ELP2: variants seen among roughly 807,000 people sequenced by gnomAD.
ELP2 encodes the protein elongator complex protein 2.
A neutral mutation model predicts 119.2 loss-of-function variants in ELP2; 90 were observed. The ratio of observed to expected loss-of-function variants is 0.75; its 90% CI spans 0.64 to 0.90. The LOEUF is 0.90. Among genes scored for constraint, ELP2 ranks in the 40% least tolerant of loss-of-function variants. The probability of loss-of-function intolerance (pLI) is 0.00; values close to 1 mark genes in which losing one functional copy is unlikely to be tolerated. For missense variants in ELP2, 921 were observed against 967.8 expected, an observed-to-expected ratio of 0.95 and a Z score of 0.64; for synonymous variants, 339 against 331.0, an observed-to-expected ratio of 1.02 and a Z score of -0.26.
chr18:36,139,495 C>A, intron 5 of ELP2: 1 of 1,535,716 alleles, frequency 6.5e-7, no homozygotes, highest in African/African-American at 1.4e-5. Flanking sequence ...GTAGCAGGAG[C>A]TGCGACTCTA....
rs762245047 is a variant in ELP2, at chr18:36,159,916, A to G, written c.1631-42A>G. On this transcript the variant is annotated intron_variant, in intron 15 of 21. Coordinates refer to ENST00000358232, the MANE Select transcript of ELP2 (RefSeq NM_018255.4). Reference sequence around the variant, plus strand: ...TGCTGACCTAAATAAGTGCTATAGAATTCACTTTTACATAGAAAAAAATAG... The same window carrying G: ...TGCTGACCTAAATAAGTGCTATAGAGTTCACTTTTACATAGAAAAAAATAG... 62 of 1,609,358 alleles carry G rather than the reference A, an allele frequency of 3.9e-5. No individual in the cohort carries two copies. The Middle Eastern group carries it at 1.2e-3, about 30-fold the overall frequency.
chr18:36,135,818 A>G (rs2089803594), intron 2 of ELP2, among the ~76,000 whole-genome samples: 1 of 152,206 alleles, frequency 6.6e-6, no homozygotes, highest in South Asian at 2.1e-4. Flanking sequence ...TGTCACAAAA[A>G]TGAGGGGGAC....
intron 11 of ELP2, among the ~76,000 whole-genome samples, chr18:36,149,839 A>G (rs544408952): frequency 6.6e-6 from 1 of 152,176 alleles, no homozygotes; most frequent in East Asian, 1.9e-4. Context: ...CTTATTTTAG[A>G]CAACCGATGT....
chr18:36,168,728 C>T (rs1314942884), intron 19 of ELP2, among the ~76,000 whole-genome samples: 3 of 152,078 alleles, frequency 2.0e-5, no homozygotes, highest in Admixed American at 6.5e-5. Context: ...AACCATATCA[C>T]ATGCCTATAG....
intron 3 of ELP2, 147 bp downstream of exon 3, chr18:36,136,524 C>T (rs2089832602): frequency 4.2e-6 from 3 of 711,510 alleles, no homozygotes; most frequent in South Asian, 1.6e-5. Context: ...ACTACAGGTG[C>T]CTGACACCAT....
intron 5 of ELP2, among the ~76,000 whole-genome samples, chr18:36,139,113 A>G (rs1356405213): frequency 1.3e-5 from 2 of 152,208 alleles, no homozygotes; most frequent in African/African-American, 4.8e-5. Flanking sequence ...TGTGTACCCA[A>G]GATTGATACT....
At chr18:36,156,747 G>A in intron 13 of ELP2, 93 bp downstream of exon 13, 2 of 1,129,696 alleles carry the variant, frequency 1.8e-6, no homozygotes, top group South Asian at 1.3e-5. Flanking sequence ...GAATATATGG[G>A]TAGAAAGAAA....
At chr18:36,141,734 C>G (rs930339720) in intron 6 of ELP2, among the ~76,000 whole-genome samples, 1 of 149,198 alleles carries the variant, frequency 6.7e-6, no homozygotes, top group African/African-American at 2.5e-5. Context: ...GTTCTGTCTC[C>G]TAGGCTGGTG....
At chr18:36,131,003 T>C (rs1194949962) in intron 1 of ELP2, among the ~76,000 whole-genome samples, 1 of 151,718 alleles carries the variant, frequency 6.6e-6, no homozygotes, top group African/African-American at 2.4e-5. Context: ...CCCCAGTCTC[T>C]ACAAAAAGTT....
intron 2 of ELP2, among the ~76,000 whole-genome samples, chr18:36,134,563 A>T (rs2089759441): frequency 6.6e-6 from 1 of 152,308 alleles, no homozygotes; most frequent in Non-Finnish European, 1.5e-5. Flanking sequence ...GGTTAAACAC[A>T]TATTTTTCAT....
At chr18:36,131,538 C>G (rs1221633616) in intron 1 of ELP2, among the ~76,000 whole-genome samples, 1 of 152,196 alleles carries the variant, frequency 6.6e-6, no homozygotes, top group Non-Finnish European at 1.5e-5. Flanking sequence ...AGCAGGAGCC[C>G]GGGAGAGCCA....
rs1370196054 is a variant in ELP2, at chr18:36,146,521, T to C, written c.1125+140T>C. The stretch of plus-strand genomic sequence containing the variant: ...GTGACATAACTTTTTTCTGTAGACA[T>C]TGTTAAGGTATTGAAATTTGCATGT... On this transcript the variant is annotated intron_variant, in intron 11 of 21. Coordinates refer to ENST00000358232, the MANE Select transcript of ELP2 (RefSeq NM_018255.4). The C allele has an allele frequency of 3.4e-6, 3 of 881,932 alleles. No individual in the cohort carries two copies. The East Asian group carries it at 7.9e-5, about 23-fold the overall frequency. 54.6% of individuals were successfully genotyped at this position (881,932 alleles called of 1,614,324 possible).
Position 36,177,068 on chromosome 18 carries a change from T to C in ELP2, c.*2427T>C, listed in dbSNP as rs1414397565. 1 of 152,208 alleles carries C rather than the reference T, an allele frequency of 6.6e-6. No homozygotes were observed. Among genetic ancestry groups the C allele is most frequent in the Admixed American group, 6.5e-5 (1 of 15,282 alleles). 9.4% of individuals were successfully genotyped at this position (152,208 alleles called of 1,614,324 possible). ...AAAAACAATGAACGCTGGTCATTGA[T>C]ATGTATACTGACATGTTTGAGGGAA... is the stretch of plus-strand genomic sequence containing the variant. On this transcript the variant is annotated 3_prime_UTR_variant, in exon 22 of 22. Coordinates refer to ENST00000358232, the MANE Select transcript of ELP2 (RefSeq NM_018255.4).
intron 5 of ELP2, chr18:36,139,693 A>G: frequency 7.7e-7 from 1 of 1,291,750 alleles, no homozygotes; most frequent in Non-Finnish European, 1.0e-6. Context: ...TTTGAAAAAC[A>G]CATTGGTGGC....
chr18:36,140,269 A>G (rs1290124542), intron 5 of ELP2, among the ~76,000 whole-genome samples: 2 of 151,390 alleles, frequency 1.3e-5, no homozygotes, highest in African/African-American at 2.4e-5. Context: ...CTGGGACTCC[A>G]AGCACATGCC....
chr18:36,153,435 C>G (rs1454050905), intron 11 of ELP2, among the ~76,000 whole-genome samples: 1 of 152,178 alleles, frequency 6.6e-6, no homozygotes, highest in Non-Finnish European at 1.5e-5. Context: ...AAAACTCTCT[C>G]TCTTACACCA....
chr18:36,170,284 T>G, intron 20 of ELP2, 88 bp downstream of exon 20: 36 of 1,491,538 alleles, frequency 2.4e-5, no homozygotes, highest in Non-Finnish European at 3.0e-5. Flanking sequence ...TGAATTCTCC[T>G]AGCCTCTGAG....
In ELP2 at chr18:36,154,881, G is replaced by A. The variant is rs201043510; in HGVS notation, c.1157G>A (p.Gly386Glu). Residue 386 changes from glycine to glutamate, a missense_variant, in exon 12 of 22, where the codon GGA (glycine) becomes GAA (glutamate). Gly to Glu is a moderately conservative substitution (Grantham distance 98). Coordinates refer to ENST00000358232, the MANE Select transcript of ELP2 (RefSeq NM_018255.4). Reference sequence around the variant, plus strand: ...TGGACTCCAGAGATTGTCATTTCAGGACACTTTGATGGTGTCCAAGACCTA... The same window carrying A: ...TGGACTCCAGAGATTGTCATTTCAGAACACTTTGATGGTGTCCAAGACCTA... The part of the protein sequence containing the change: ...REWTPEIVIS[G>E]HFDGVQDLVW... The A allele has an allele frequency of 6.2e-7, 1 of 1,614,100 alleles. No homozygotes were observed. The highest frequency in any genetic ancestry group is 8.5e-7 in the Non-Finnish European group (1 of 1,180,004).
intron 2 of ELP2, among the ~76,000 whole-genome samples, chr18:36,133,898 T>G (rs1344734775): frequency 1.4e-3 from 8 of 5,578 alleles, no homozygotes; most frequent in Non-Finnish European, 3.0e-3. Flanking sequence ...TTTTTAGGGG[T>G]TTTTTTTTTT....
Sources: gnomAD v4.1 joint callset for allele counts (sites outside exome capture counted in the v4.1 genomes callset) on GRCh38, gnomAD v4.1.1 for gene constraint, MANE v1.5 for transcripts, NCBI Gene and HGNC (gene_info 2026-07-23, HGNC 2026-07-21) for gene names.